The following LUZP2 variants were observed in gnomAD, a reference collection of about 807,000 sequenced individuals.
LUZP2 encodes the protein leucine zipper protein 2.
Under a neutral mutation model 51.6 loss-of-function variants are expected in LUZP2, and 52 were observed. The ratio of observed to expected loss-of-function variants is 1.01; its 90% CI spans 0.81 to 1.27. The LOEUF is 1.27. LUZP2 is among the 50% of genes most tolerant of loss of function. LUZP2 has a pLI of 0.00. For synonymous variants in LUZP2, 154 were observed against 137.3 expected, an observed-to-expected ratio of 1.12 and a Z score of -0.85; for missense variants, 436 against 395.4, an observed-to-expected ratio of 1.10 and a Z score of -0.87.
intron 1 of LUZP2, among the ~76,000 whole-genome samples, chr11:24,627,608 C>A (rs1157858057): frequency 1.3e-5 from 2 of 152,176 alleles, no homozygotes; most frequent in Admixed American, 1.3e-4. Context: ...TCCAGATATT[C>A]GCTTGCAGTA....
chr11:24,666,282 A>C (rs1193666412), intron 1 of LUZP2, among the ~76,000 whole-genome samples: 1 of 152,166 alleles, frequency 6.6e-6, no homozygotes, highest in African/African-American at 2.4e-5. Flanking sequence ...CAGGGAAGGA[A>C]AATCCTCTTA....
rs1854115177 is a variant in LUZP2 at position 24,611,435 on chromosome 11, A to G, written c.62+114130A>G. On this transcript the variant is annotated intron_variant, in intron 1 of 11. Coordinates refer to ENST00000336930, the MANE Select transcript of LUZP2 (RefSeq NM_001009909.4). This position sits in a 1 kb window ranked among gnomAD's most constrained non-coding sequence, Gnocchi z 4.6. Reference sequence around the variant, plus strand: ...TATAAGATATATTTTGCACACTAATAAAAGCATAAATATTCATGTTGCAAT... The same window carrying G: ...TATAAGATATATTTTGCACACTAATGAAAGCATAAATATTCATGTTGCAAT... 6.6e-6 allele frequency among the ~76,000 whole-genome samples: 1 copy of G among 152,198 alleles called. No homozygotes were observed. Among genetic ancestry groups the G allele is most frequent in the African/African-American group, 2.4e-5 (1 of 41,452 alleles).
At chr11:25,073,589 C>T (rs1445085591) in intron 10 of LUZP2, among the ~76,000 whole-genome samples, 1 of 151,970 alleles carries the variant, frequency 6.6e-6, no homozygotes, top group Non-Finnish European at 1.5e-5. Context: ...AATTTCCCAC[C>T]TAAAATTTTT....
At chr11:24,672,791 A>T (rs1241621575) in intron 1 of LUZP2, among the ~76,000 whole-genome samples, 1 of 152,186 alleles carries the variant, frequency 6.6e-6, no homozygotes, top group Non-Finnish European at 1.5e-5. Flanking sequence ...TGTACAGCAC[A>T]TTGCTTTATT....
intron 1 of LUZP2, among the ~76,000 whole-genome samples, chr11:24,602,064 A>G (rs1272095240): frequency 6.4e-5 from 9 of 139,744 alleles, no homozygotes; most frequent in African/African-American, 2.2e-4. Flanking sequence ...ATATATGTGT[A>G]TATATATGCG....
At chr11:24,634,009 TTAAC>T (rs751840936) in intron 1 of LUZP2, among the ~76,000 whole-genome samples, 10 of 151,462 alleles carry the variant, frequency 6.6e-5, no homozygotes, top group Non-Finnish European at 3.0e-5. Flanking sequence ...CTAAACCTGT[TTAAC>T]TATTAAAGCA....
At chr11:24,560,616 T>C (rs1269352182) in intron 1 of LUZP2, among the ~76,000 whole-genome samples, 1 of 152,130 alleles carries the variant, frequency 6.6e-6, no homozygotes, top group African/African-American at 2.4e-5. Context: ...CTTTGCCCCA[T>C]CCCCAAAGAC....
chr11:24,683,495 T>A (rs781314759), intron 1 of LUZP2, among the ~76,000 whole-genome samples: 1 of 152,254 alleles, frequency 6.6e-6, no homozygotes, highest in Non-Finnish European at 1.5e-5. Flanking sequence ...TTAGTGGTAA[T>A]AATTTTAAGA....
chr11:24,573,222 C>T (rs1302246765), intron 1 of LUZP2, among the ~76,000 whole-genome samples: 3 of 152,018 alleles, frequency 2.0e-5, no homozygotes, highest in Non-Finnish European at 1.5e-5. Context: ...TGTAAATGCT[C>T]ATTCTTTCAC....
intron 9 of LUZP2, among the ~76,000 whole-genome samples, chr11:25,024,689 A>G (rs1457494389): frequency 8.5e-5 from 13 of 152,178 alleles, no homozygotes; most frequent in Admixed American, 8.5e-4. Flanking sequence ...ATGGATAGGA[A>G]GAATCAATAT....
intron 1 of LUZP2, among the ~76,000 whole-genome samples, chr11:24,538,102 C>A (rs1228474248): frequency 6.6e-6 from 1 of 151,676 alleles, no homozygotes; most frequent in East Asian, 1.9e-4. Context: ...TGTGAATAGG[C>A]AATTCATAGA....
At chr11:24,682,048 TTA>T (rs1443573578) in intron 1 of LUZP2, among the ~76,000 whole-genome samples, 3 of 152,242 alleles carry the variant, frequency 2.0e-5, no homozygotes, top group African/African-American at 7.2e-5. Context: ...TTTAAAAAGT[TTA>T]TCTCAGAATA....
chr11:24,748,046 G>T (rs1214640849), intron 4 of LUZP2, among the ~76,000 whole-genome samples: 1 of 152,072 alleles, frequency 6.6e-6, no homozygotes, highest in Non-Finnish European at 1.5e-5. Context: ...AGCTGGATTT[G>T]TACCCTTCCC....
chr11:24,798,865 T>G (rs1336046574), intron 5 of LUZP2, among the ~76,000 whole-genome samples: 1 of 152,076 alleles, frequency 6.6e-6, no homozygotes, highest in Non-Finnish European at 1.5e-5. Context: ...TGGACAGTAG[T>G]GGCCAAAGAA....
At chr11:24,997,184 G>A (rs946903739) in intron 9 of LUZP2, among the ~76,000 whole-genome samples, 9 of 150,936 alleles carry the variant, frequency 6.0e-5, no homozygotes, top group African/African-American at 1.5e-4. Flanking sequence ...GATCCCTGAG[G>A]AATCGCCACA....
At chr11:25,024,560 G>T (rs1857428441) in intron 9 of LUZP2, among the ~76,000 whole-genome samples, 1 of 152,004 alleles carries the variant, frequency 6.6e-6, no homozygotes, top group East Asian at 1.9e-4. Flanking sequence ...GCTTCAAAGA[G>T]GATAAAATAC....
chr11:24,783,034 G>A (rs1487201866), intron 5 of LUZP2, among the ~76,000 whole-genome samples: 1 of 151,886 alleles, frequency 6.6e-6, no homozygotes, highest in Non-Finnish European at 1.5e-5. Context: ...TCCTTTTCAG[G>A]TGCTTTTTTG....
intron 2 of LUZP2, 110 bp downstream of exon 2, chr11:24,729,396 C>T: frequency 1.8e-6 from 1 of 542,144 alleles, no homozygotes; most frequent in East Asian, 3.0e-5. Context: ...TGGGCTTGAC[C>T]ATGGTGGTTG....
chr11:24,555,187 G>C (rs7107070), intron 1 of LUZP2, among the ~76,000 whole-genome samples: 1 of 151,882 alleles, frequency 6.6e-6, no homozygotes, highest in Non-Finnish European at 1.5e-5. Context: ...TAGAATATGG[G>C]AGATTTAGAA....
Sources: allele counts gnomAD v4.1 joint callset (sites outside exome capture counted in the v4.1 genomes callset), GRCh38; gene constraint gnomAD v4.1.1; non-coding constraint Gnocchi (gnomAD v3.1); transcripts MANE v1.5; gene names NCBI Gene and HGNC (gene_info 2026-07-23, HGNC 2026-07-21).